The following CUBN variants were observed in gnomAD, a reference collection of about 807,000 sequenced individuals.
The protein encoded by CUBN is cubilin.
CUBN carries 282 observed loss-of-function variants against 405.3 expected under a neutral mutation model. The ratio of observed to expected loss-of-function variants is 0.70; its 90% CI spans 0.63 to 0.77. CUBN has a LOEUF of 0.77. Among genes scored for constraint, CUBN ranks in the 30% least tolerant of loss-of-function variants. The probability of loss-of-function intolerance (pLI) is 0.00; values close to 1 mark genes in which losing one functional copy is unlikely to be tolerated. For synonymous variants in CUBN, 1,684 were observed against 1,617.0 expected, an observed-to-expected ratio of 1.04 and a Z score of -0.99; for missense variants, 4,514 against 4,475.2, an observed-to-expected ratio of 1.01 and a Z score of -0.25.
chr10:17,085,762 A>G lies in CUBN; in HGVS notation c.1948-3T>C, dbSNP rs775477539. 3 of 1,613,690 alleles carry G rather than the reference A, an allele frequency of 1.9e-6. No individual in the cohort carries two copies. The highest frequency in any genetic ancestry group is 2.2e-5 in the South Asian group (2 of 91,046). On this transcript the variant is annotated splice_region_variant and splice_polypyrimidine_tract_variant and intron_variant, in intron 15 of 66. Transcript: ENST00000377833. ...TGATACAAAGGACCATCTCGAATCTAAAACAAAAGGATGAATCATTAAGCT... is the reference window on the plus strand; with the variant it reads ...TGATACAAAGGACCATCTCGAATCTGAAACAAAAGGATGAATCATTAAGCT...
At chr10:17,127,108 C>T (rs375532840) in intron 3 of CUBN, among the ~76,000 whole-genome samples, 1 of 152,198 alleles carries the variant, frequency 6.6e-6, no homozygotes, top group Admixed American at 6.5e-5. Flanking sequence ...GATGCATCCA[C>T]TTCCCCAATA....
At chr10:17,008,337 T>TGTGTGTGTGTGTGTGTGTGTG (rs1280256133) in intron 28 of CUBN, among the ~76,000 whole-genome samples, 1 of 145,180 alleles carries the variant, frequency 6.9e-6, no homozygotes, top group Non-Finnish European at 1.5e-5. Context: ...TCCCTCCCCG[T>TGTGTGTGTGTGTGTGTGTGTG]GTGTGTGTGT....
At chr10:17,004,017 A>C (rs1285644576) in intron 28 of CUBN, among the ~76,000 whole-genome samples, 3 of 152,180 alleles carry the variant, frequency 2.0e-5, no homozygotes, top group Non-Finnish European at 4.4e-5. Flanking sequence ...GAGGTCTACG[A>C]AGCCTCATAT....
chr10:17,125,493 T>C (rs1200568573), intron 4 of CUBN, among the ~76,000 whole-genome samples: 1 of 152,236 alleles, frequency 6.6e-6, no homozygotes, highest in Non-Finnish European at 1.5e-5. Flanking sequence ...AGCACAACAA[T>C]TGGCTCTGTC....
At chr10:16,946,909 T>C (rs1455912366) in intron 36 of CUBN, among the ~76,000 whole-genome samples, 1 of 151,994 alleles carries the variant, frequency 6.6e-6, no homozygotes, top group African/African-American at 2.4e-5. Flanking sequence ...TAAACAATAC[T>C]AGTGATTCCC....
At chr10:16,984,543 T>C (rs1164862215) in intron 29 of CUBN, among the ~76,000 whole-genome samples, 1 of 152,194 alleles carries the variant, frequency 6.6e-6, no homozygotes, top group Non-Finnish European at 1.5e-5. Flanking sequence ...CGGAGTAGAT[T>C]ATTCCAGAAT....
intron 31 of CUBN, among the ~76,000 whole-genome samples, chr10:16,967,345 G>A (rs576494939): frequency 2.0e-5 from 3 of 152,292 alleles, no homozygotes; most frequent in African/African-American, 7.2e-5. Context: ...TGGAAATGTT[G>A]ACATGAGAAG....
intron 48 of CUBN, among the ~76,000 whole-genome samples, chr10:16,912,956 C>T (rs773624365): frequency 5.3e-5 from 8 of 151,982 alleles, no homozygotes; most frequent in African/African-American, 7.3e-5. Flanking sequence ...ACCAGGGGGA[C>T]GAGGTGGAAC....
intron 13 of CUBN, among the ~76,000 whole-genome samples, chr10:17,100,447 T>C (rs1040054224): frequency 6.6e-6 from 1 of 152,176 alleles, no homozygotes; most frequent in Non-Finnish European, 1.5e-5. Flanking sequence ...AATATCAAAA[T>C]ATATCAAAAA....
chr10:17,049,285 T>C lies in CUBN; in HGVS notation c.3140-1682A>G, dbSNP rs186900257. Reference sequence around the variant, plus strand: ...AAAGCAATGACCCAGTATCCCTGAGTTGACAGAACAGACAGACTCATTGAC... The same window carrying C: ...AAAGCAATGACCCAGTATCCCTGAGCTGACAGAACAGACAGACTCATTGAC... On this transcript the variant is annotated intron_variant, in intron 22 of 66. Transcript: ENST00000377833. Among the ~76,000 whole-genome samples, 110 of 152,302 alleles carry C rather than the reference T, an allele frequency of 7.2e-4. 1 individual carries two copies. Among genetic ancestry groups the C allele is most frequent in the African/African-American group, 2.5e-3 (104 of 41,572 alleles).
chr10:17,119,112 A>C (rs533176019), intron 6 of CUBN, among the ~76,000 whole-genome samples: 1 of 152,362 alleles, frequency 6.6e-6, no homozygotes, highest in Admixed American at 6.5e-5. Context: ...AAAGGTAATA[A>C]GTTTAATACC....
intron 31 of CUBN, among the ~76,000 whole-genome samples, chr10:16,975,380 A>G (rs1833060237): frequency 6.6e-6 from 1 of 152,246 alleles, no homozygotes; most frequent in Non-Finnish European, 1.5e-5. Flanking sequence ...TTTATGTCCC[A>G]TGTAGGTGGA....
intron 17 of CUBN, among the ~76,000 whole-genome samples, chr10:17,078,798 A>T (rs910102359): frequency 6.1e-4 from 93 of 152,166 alleles, no homozygotes; most frequent in African/African-American, 2.2e-3. Context: ...TCCATGCAAT[A>T]TTGTTTCCAT....
chr10:16,866,699 C>A (rs1840194548), intron 59 of CUBN, among the ~76,000 whole-genome samples: 1 of 152,186 alleles, frequency 6.6e-6, no homozygotes, highest in East Asian at 1.9e-4. Flanking sequence ...GTCAGCCATT[C>A]AGGATCAATT....
intron 59 of CUBN, among the ~76,000 whole-genome samples, chr10:16,864,657 C>CTT (rs58100254): frequency 0.03 from 3,674 of 121,336 alleles, 179 homozygotes; most frequent in African/African-American, 0.097. Context: ...TTTTTTCTTT[C>CTT]TTTTTTTTTT....
At chr10:16,990,582 C>T (rs1833557421) in intron 28 of CUBN, 67 bp from the exon 29 acceptor site, 1 of 1,431,080 alleles carries the variant, frequency 7.0e-7, no homozygotes. Context: ...ATTCCAAATT[C>T]AACTCACCGA....
At chr10:16,979,773 T>C (rs1833210593) in intron 31 of CUBN, among the ~76,000 whole-genome samples, 2 of 152,166 alleles carry the variant, frequency 1.3e-5, no homozygotes, top group Non-Finnish European at 1.5e-5. Context: ...ATTCAGGACA[T>C]AGGCATGGGC....
At chr10:16,848,094 C>A (rs1363430842) in intron 60 of CUBN, among the ~76,000 whole-genome samples, 1 of 151,926 alleles carries the variant, frequency 6.6e-6, no homozygotes, top group South Asian at 2.1e-4. Context: ...TTGAAAAAAA[C>A]GATATTTTAT....
At chr10:16,895,022 G>T (rs996654053) in intron 54 of CUBN, among the ~76,000 whole-genome samples, 1 of 152,092 alleles carries the variant, frequency 6.6e-6, no homozygotes, top group South Asian at 2.1e-4. Context: ...CTCCTGTTTG[G>T]CCTCTTACAC....
Sources: allele counts gnomAD v4.1 joint callset (sites outside exome capture counted in the v4.1 genomes callset), GRCh38; gene constraint gnomAD v4.1.1; transcripts MANE v1.5; gene names NCBI Gene and HGNC (gene_info 2026-07-23, HGNC 2026-07-21).